ZMIZ1: variants seen among roughly 807,000 people sequenced by gnomAD.
ZMIZ1 encodes zinc finger MIZ-type containing 1.
Under a neutral mutation model 113.9 loss-of-function variants are expected in ZMIZ1, and 17 were observed. That is an observed-to-expected ratio of 0.15 (90% CI 0.10 to 0.22). ZMIZ1 has a LOEUF of 0.22. Among genes scored for constraint, ZMIZ1 ranks in the 10% least tolerant of loss-of-function variants. The pLI is 1.00. For synonymous variants in ZMIZ1, 607 were observed against 603.1 expected (o/e 1.01, Z -0.09); for missense variants, 1,059 against 1,477.8 (o/e 0.72, Z 4.65).
chr10:79,129,962 C>T (rs1844684112), intron 2 of ZMIZ1, among the ~76,000 whole-genome samples: 1 of 152,240 alleles, frequency 6.6e-6, no homozygotes, highest in South Asian at 2.1e-4. Flanking sequence ...GCTCCCTGGG[C>T]TCTGGGTCAA....
At chr10:79,293,034 C>T (rs934314342) in intron 11 of ZMIZ1, among the ~76,000 whole-genome samples, 6 of 152,100 alleles carry the variant, frequency 3.9e-5, no homozygotes, top group African/African-American at 9.7e-5. Context: ...TCATCTACCT[C>T]CACCCTCCCA....
chr10:79,106,175 C>G (rs1470209602), intron 1 of ZMIZ1, among the ~76,000 whole-genome samples: 2 of 152,224 alleles, frequency 1.3e-5, no homozygotes, highest in African/African-American at 4.8e-5. Flanking sequence ...ATTGAAGTTC[C>G]CAAACTGAGG....
intron 7 of ZMIZ1, among the ~76,000 whole-genome samples, chr10:79,264,906 T>TGG (rs1851498182): frequency 6.6e-6 from 1 of 152,220 alleles, no homozygotes; most frequent in East Asian, 1.9e-4. Context: ...ATGTCTTTGA[T>TGG]GGCCCCTGAG....
At chr10:79,119,971 T>G (rs1474864319) in intron 2 of ZMIZ1, among the ~76,000 whole-genome samples, 1 of 121,010 alleles carries the variant, frequency 8.3e-6, no homozygotes, top group Non-Finnish European at 1.8e-5. Context: ...TGTCCCACTC[T>G]CTGCTCCGTG....
In ZMIZ1 at chr10:79,254,359, C is replaced by T. The variant is rs74807306; in HGVS notation, c.281-22822C>T. Among the ~76,000 whole-genome samples, 799 of 152,360 alleles carry T rather than the reference C, an allele frequency of 5.2e-3. 5 individuals carry two copies. The highest frequency in any genetic ancestry group is 0.019 in the African/African-American group (774 of 41,582). ...GAGGTCATTGCCCGCCATCCCAGGGCCCTGGCTGCCTTTGGGGACATCAGT... is the reference window on the plus strand; with the variant it reads ...GAGGTCATTGCCCGCCATCCCAGGGTCCTGGCTGCCTTTGGGGACATCAGT... On this transcript the variant is annotated intron_variant, in intron 7 of 24. Coordinates refer to ENST00000334512, the MANE Select transcript of ZMIZ1 (RefSeq NM_020338.4).
At chr10:79,178,499 C>T (rs2132558498) in intron 4 of ZMIZ1, among the ~76,000 whole-genome samples, 1 of 152,310 alleles carries the variant, frequency 6.6e-6, no homozygotes, top group African/African-American at 2.4e-5. Context: ...GAGCTGGAGC[C>T]CAGCTGGGCG....
chr10:79,250,064 G>A (rs1483328375), intron 7 of ZMIZ1, among the ~76,000 whole-genome samples: 2 of 152,220 alleles, frequency 1.3e-5, no homozygotes, highest in African/African-American at 2.4e-5. Context: ...AAGGCGCTTA[G>A]GTTGGTATCT....
intron 7 of ZMIZ1, among the ~76,000 whole-genome samples, chr10:79,249,946 T>C (rs947750807): frequency 6.6e-5 from 10 of 152,158 alleles, no homozygotes; most frequent in African/African-American, 2.4e-4. Context: ...CAGGTGACTT[T>C]GAGTAAGTCA....
intron 1 of ZMIZ1, among the ~76,000 whole-genome samples, chr10:79,086,810 C>T (rs1330184371): frequency 1.3e-5 from 2 of 152,064 alleles, no homozygotes; most frequent in Non-Finnish European, 2.9e-5. Flanking sequence ...GTGTCCAGGA[C>T]TGATTCTCTA....
Position 79,313,891 on chromosome 10 carries a change from C to G in ZMIZ1, c.*1142C>G. 1 of 376,116 alleles carries G rather than the reference C, an allele frequency of 2.7e-6. No individual in the cohort carries two copies. Among genetic ancestry groups the G allele is most frequent in the Non-Finnish European group, 5.3e-6 (1 of 188,366 alleles). 23.3% of individuals were successfully genotyped at this position (376,116 alleles called of 1,614,324 possible). On this transcript the variant is annotated 3_prime_UTR_variant, in exon 25 of 25. Coordinates refer to ENST00000334512, the MANE Select transcript of ZMIZ1 (RefSeq NM_020338.4). ...TGGAAAGGCCGGGGAGGTGCAGAAA[C>G]CAGAGCCCAGGGCAATGGTGTCTGT... is the stretch of plus-strand genomic sequence containing the variant.
intron 4 of ZMIZ1, among the ~76,000 whole-genome samples, chr10:79,176,356 C>G (rs1385392631): frequency 1.3e-5 from 2 of 152,042 alleles, no homozygotes; most frequent in East Asian, 3.8e-4. Context: ...TGCCTCTGAG[C>G]AAGAGACTGG....
chr10:79,232,922 G>T (rs537108907), intron 7 of ZMIZ1, among the ~76,000 whole-genome samples: 2 of 152,186 alleles, frequency 1.3e-5, no homozygotes, highest in Non-Finnish European at 2.9e-5. Flanking sequence ...CATCCAAGGG[G>T]CTAAGTGATA....
intron 19 of ZMIZ1, 117 bp downstream of exon 19, chr10:79,304,292 G>T: frequency 7.6e-7 from 1 of 1,319,366 alleles, no homozygotes; most frequent in Admixed American, 2.6e-5. Context: ...GGACGTCATG[G>T]AGATCAGCAG....
At chr10:79,292,076 T>C in intron 10 of ZMIZ1, 82 bp from the exon 11 acceptor site, 5 of 1,362,220 alleles carry the variant, frequency 3.7e-6, no homozygotes, top group Non-Finnish European at 4.1e-6. Flanking sequence ...AGCTCCATCA[T>C]CTCCCTTCCA....
At chr10:79,208,188 G>T in intron 5 of ZMIZ1, 148 bp from the exon 6 acceptor site, 1 of 635,706 alleles carries the variant, frequency 1.6e-6, no homozygotes, top group South Asian at 1.9e-5. Context: ...CGAGCATGAG[G>T]AAACTTACTG....
At chr10:79,228,052 G>T (rs72818219) in intron 7 of ZMIZ1, among the ~76,000 whole-genome samples, 1 of 152,348 alleles carries the variant, frequency 6.6e-6, no homozygotes, top group Non-Finnish European at 1.5e-5. Context: ...TCTGTGCCCT[G>T]GGTGAGGGAA....
At chr10:79,307,873 G>A (rs1181557942) in intron 23 of ZMIZ1, among the ~76,000 whole-genome samples, 3 of 151,880 alleles carry the variant, frequency 2.0e-5, no homozygotes, top group South Asian at 2.1e-4. Context: ...CCCAGCACAC[G>A]CCATCAGCCC....
chr10:79,080,589 G>A (rs962678500), intron 1 of ZMIZ1, among the ~76,000 whole-genome samples: 22 of 152,162 alleles, frequency 1.4e-4, no homozygotes, highest in African/African-American at 5.1e-4. Context: ...GATTATAGAC[G>A]TGAGTCACTG....
chr10:79,229,478 AG>A (rs1849312346), intron 7 of ZMIZ1, among the ~76,000 whole-genome samples: 1 of 152,170 alleles, frequency 6.6e-6, no homozygotes, highest in Admixed American at 6.5e-5. Flanking sequence ...GGACTCCTGT[AG>A]GGAATTCCAG....
Sources: allele counts gnomAD v4.1 joint callset (sites outside exome capture counted in the v4.1 genomes callset), GRCh38; gene constraint gnomAD v4.1.1; transcripts MANE v1.5; gene names NCBI Gene and HGNC (gene_info 2026-07-23, HGNC 2026-07-21).